The following TAFA5 variants were observed in gnomAD, a reference collection of about 807,000 sequenced individuals.
TAFA5 encodes TAFA chemokine like family member 5, also known as chemokine-like protein TAFA-5.
TAFA5 carries 6 observed loss-of-function variants against 15.3 expected under a neutral mutation model. The observed-to-expected ratio is 0.39, with a 90% CI of 0.21 to 0.77. The LOEUF is 0.77. Among genes scored for constraint, TAFA5 ranks in the 30% least tolerant of loss-of-function variants. The pLI is 0.41. For synonymous variants in TAFA5, 103 were observed against 80.7 expected, an observed-to-expected ratio of 1.28 and a Z score of -1.48; for missense variants, 161 against 193.1, an observed-to-expected ratio of 0.83 and a Z score of 0.98.
chr22:48,625,284 G>T (rs916534761), intron 1 of TAFA5, among the ~76,000 whole-genome samples: 1 of 152,186 alleles, frequency 6.6e-6, no homozygotes, highest in African/African-American at 2.4e-5. Flanking sequence ...TGAATACACC[G>T]TGTGTAACCA....
chr22:48,576,398 G>A, intron 1 of TAFA5: 2 of 1,236,262 alleles, frequency 1.6e-6, no homozygotes, highest in East Asian at 6.6e-5. Flanking sequence ...CGGCCGCGGA[G>A]GCTGCACCCG....
intron 2 of TAFA5, among the ~76,000 whole-genome samples, chr22:48,687,592 C>A (rs751822221): frequency 1.3e-5 from 2 of 152,098 alleles, no homozygotes; most frequent in Non-Finnish European, 2.9e-5. Context: ...TCTCAGCCTC[C>A]GTGTTAATTT....
At chr22:48,592,001 C>T (rs1377343767) in intron 1 of TAFA5, among the ~76,000 whole-genome samples, 2 of 152,286 alleles carry the variant, frequency 1.3e-5, no homozygotes, top group East Asian at 1.9e-4. Flanking sequence ...GTGATGCCCA[C>T]GGCCCCGGGG....
chr22:48,495,687 C>T (rs1160099708), intron 1 of TAFA5, among the ~76,000 whole-genome samples: 3 of 152,210 alleles, frequency 2.0e-5, no homozygotes, highest in Non-Finnish European at 4.4e-5. Context: ...TGAGACCTCA[C>T]ACCTGCTCTC....
intron 2 of TAFA5, among the ~76,000 whole-genome samples, chr22:48,672,269 C>G (rs12485086): frequency 6.6e-6 from 1 of 152,120 alleles, no homozygotes; most frequent in Admixed American, 6.5e-5. Context: ...CTTGCATCTG[C>G]GTGCAATACA....
At chr22:48,540,951 T>A (rs1922348694) in intron 1 of TAFA5, among the ~76,000 whole-genome samples, 1 of 151,262 alleles carries the variant, frequency 6.6e-6, no homozygotes, top group African/African-American at 2.4e-5. Context: ...TGGTAGCAGC[T>A]CTCTGTGTGG....
chr22:48,510,354 C>A (rs770469169), intron 1 of TAFA5, among the ~76,000 whole-genome samples: 40 of 152,138 alleles, frequency 2.6e-4, no homozygotes, highest in African/African-American at 5.3e-4. Flanking sequence ...AGCAAAAAAA[C>A]CCCCAAATAA....
At chr22:48,526,740 A>C (rs1379102635) in intron 1 of TAFA5, among the ~76,000 whole-genome samples, 1 of 152,200 alleles carries the variant, frequency 6.6e-6, no homozygotes, top group Non-Finnish European at 1.5e-5. Flanking sequence ...GTATATACTG[A>C]ATAGACTTAG....
At chr22:48,703,999 C>A (rs1047693879) in intron 2 of TAFA5, among the ~76,000 whole-genome samples, 1 of 152,228 alleles carries the variant, frequency 6.6e-6, no homozygotes, top group Non-Finnish European at 1.5e-5. Flanking sequence ...AGGACAGGCA[C>A]TGGGGACCCC....
At chr22:48,706,038 C>G (rs1043501043) in intron 2 of TAFA5, among the ~76,000 whole-genome samples, 1 of 152,168 alleles carries the variant, frequency 6.6e-6, no homozygotes, top group Admixed American at 6.5e-5. Context: ...GGGCTGCAGA[C>G]GGGAGGTGGG....
chr22:48,641,394 G>T lies in TAFA5; in HGVS notation c.113-5203G>T, dbSNP rs144461848. 5.3e-4 allele frequency among the ~76,000 whole-genome samples: 80 copies of T among 152,248 alleles called. No homozygotes were observed. In the East Asian group the frequency reaches 0.015, roughly 28 times the overall value. On this transcript the variant is annotated intron_variant, in intron 1 of 3. Transcript: ENST00000402357. ...GAGGGGCTGGTCCTGGGGGCTGGAG[G>T]GGTGGATTCTTTATTTTTTAAAATC...
chr22:48,503,762 A>C (rs1030779420), intron 1 of TAFA5, among the ~76,000 whole-genome samples: 1 of 152,146 alleles, frequency 6.6e-6, no homozygotes, highest in African/African-American at 2.4e-5. Flanking sequence ...AACACGGGAG[A>C]AGCTCTAAAA....
At chr22:48,729,457 TA>T (rs1275861131) in intron 3 of TAFA5, among the ~76,000 whole-genome samples, 2 of 147,366 alleles carry the variant, frequency 1.4e-5, no homozygotes, top group African/African-American at 4.9e-5. Flanking sequence ...TAAATCTGTA[TA>T]AAATATAAAT....
At chr22:48,613,323 T>A (rs531664041) in intron 1 of TAFA5, among the ~76,000 whole-genome samples, 1 of 152,272 alleles carries the variant, frequency 6.6e-6, no homozygotes, top group African/African-American at 2.4e-5. Flanking sequence ...CCCTGGACAC[T>A]GTTTCACCTC....
At chr22:48,491,373 A>G (rs1311018520) in intron 1 of TAFA5, among the ~76,000 whole-genome samples, 1 of 151,984 alleles carries the variant, frequency 6.6e-6, no homozygotes, top group Non-Finnish European at 1.5e-5. Context: ...ATCACCCCAG[A>G]GGAGAGGAGA....
intron 2 of TAFA5, among the ~76,000 whole-genome samples, chr22:48,682,151 CCTG>C (rs1250035748): frequency 5.9e-5 from 9 of 152,300 alleles, no homozygotes; most frequent in Admixed American, 5.9e-4. Flanking sequence ...ACTCTGTCCT[CCTG>C]CTCCAGGTTG....
At chr22:48,663,309 T>C (rs5771915) in intron 2 of TAFA5, among the ~76,000 whole-genome samples, 69,809 of 151,442 alleles carry the variant, frequency 0.46, 16,395 homozygotes, top group South Asian at 0.62. Context: ...TAGAGTGGGC[T>C]GAGGGGCCAC....
intron 1 of TAFA5, among the ~76,000 whole-genome samples, chr22:48,583,893 ACACCACACAAAATAAACC>A: frequency 6.7e-6 from 1 of 149,526 alleles, no homozygotes. Context: ...CACACGCCAC[ACACCACACAAAATAAACC>A]TCATACACCA....
intron 2 of TAFA5, among the ~76,000 whole-genome samples, chr22:48,673,352 C>T (rs1417328756): frequency 6.6e-6 from 1 of 152,190 alleles, no homozygotes; most frequent in Non-Finnish European, 1.5e-5. Context: ...TCAGCTCGCT[C>T]CTCTCTGTGC....
Sources: gnomAD v4.1 joint callset for allele counts (sites outside exome capture counted in the v4.1 genomes callset) on GRCh38, gnomAD v4.1.1 for gene constraint, MANE v1.5 for transcripts, NCBI Gene and HGNC (gene_info 2026-07-23, HGNC 2026-07-21) for gene names.